Variants in PSTPIP2 observed in about 807,000 individuals in gnomAD.
PSTPIP2 encodes the protein proline-serine-threonine phosphatase interacting protein 2.
PSTPIP2 carries 33 observed loss-of-function variants against 63.3 expected under a neutral mutation model. The ratio of observed to expected loss-of-function variants is 0.52; its 90% confidence interval spans 0.40 to 0.70. The LOEUF (loss-of-function observed/expected upper bound fraction) is 0.70, where lower values mean the gene tolerates loss of function less well. PSTPIP2 is among the 30% of genes least tolerant of loss of function. The pLI, the probability that PSTPIP2 is intolerant of heterozygous loss-of-function variation, is 0.00. For synonymous variants in PSTPIP2, 125 were observed against 132.7 expected, an observed-to-expected ratio of 0.94 and a Z score of 0.40; for missense variants, 312 against 400.7, an observed-to-expected ratio of 0.78 and a Z score of 1.89.
chr18:45,988,048 ATTACT>A (rs1220115950), intron 14 of PSTPIP2, among the ~76,000 whole-genome samples: 2 of 152,184 alleles, frequency 1.3e-5, no homozygotes, highest in Non-Finnish European at 2.9e-5. Flanking sequence ...TAAAATCTAA[ATTACT>A]TTAACAGTGA....
intron 1 of PSTPIP2, among the ~76,000 whole-genome samples, chr18:46,063,306 T>A (rs377573298): frequency 8.5e-5 from 13 of 152,218 alleles, no homozygotes; most frequent in South Asian, 2.1e-4. Flanking sequence ...CGCCCAATCA[T>A]AAGACACATA....
chr18:46,050,373 A>T (rs1908544671), intron 1 of PSTPIP2, among the ~76,000 whole-genome samples: 1 of 152,068 alleles, frequency 6.6e-6, no homozygotes, highest in South Asian at 2.1e-4. Context: ...AGTTCGCGAC[A>T]AGCCTAAGAA....
chr18:46,056,569 A>G (rs1908762800), intron 1 of PSTPIP2, among the ~76,000 whole-genome samples: 1 of 152,022 alleles, frequency 6.6e-6, no homozygotes, highest in Non-Finnish European at 1.5e-5. Context: ...TCTACAAGAA[A>G]TTTTTAAAAT....
intron 1 of PSTPIP2, among the ~76,000 whole-genome samples, chr18:46,042,579 A>G (rs983552243): frequency 1.3e-5 from 2 of 152,164 alleles, no homozygotes; most frequent in Non-Finnish European, 2.9e-5. Context: ...CTTATTATTC[A>G]CATCAAAGGC....
At chr18:46,065,542 C>T (rs1909157314) in intron 1 of PSTPIP2, among the ~76,000 whole-genome samples, 1 of 152,204 alleles carries the variant, frequency 6.6e-6, no homozygotes, top group Non-Finnish European at 1.5e-5. Context: ...TCTTGGCTCA[C>T]TGCAACCTCC....
intron 2 of PSTPIP2, among the ~76,000 whole-genome samples, chr18:46,025,568 T>C (rs1435965328): frequency 2.0e-5 from 3 of 151,980 alleles, no homozygotes; most frequent in Non-Finnish European, 2.9e-5. Context: ...GTTTTTCACC[T>C]AGTAACACAT....
intron 1 of PSTPIP2, among the ~76,000 whole-genome samples, chr18:46,050,976 C>A (rs1908563609): frequency 6.6e-6 from 1 of 151,992 alleles, no homozygotes; most frequent in South Asian, 2.1e-4. Flanking sequence ...CATTCTCCTG[C>A]CTCAACCTCC....
chr18:45,988,843 C>A, intron 13 of PSTPIP2, 84 bp from the exon 14 acceptor site: 3 of 1,118,340 alleles, frequency 2.7e-6, no homozygotes, highest in Non-Finnish European at 4.1e-6. Context: ...GGGCATTTCA[C>A]TTACAGATTC....
At chr18:46,000,068 G>A (rs2051646956) in intron 6 of PSTPIP2, among the ~76,000 whole-genome samples, 1 of 152,196 alleles carries the variant, frequency 6.6e-6, no homozygotes. Context: ...GTGCCCAGGA[G>A]TTCAAGGCTG....
intron 1 of PSTPIP2, among the ~76,000 whole-genome samples, chr18:46,055,734 G>C (rs1056512452): frequency 6.6e-6 from 1 of 152,166 alleles, no homozygotes; most frequent in African/African-American, 2.4e-5. Context: ...CCTTCCCCCA[G>C]TGAAAGATAC....
chr18:45,986,316 T>C (rs951099286), intron 14 of PSTPIP2, among the ~76,000 whole-genome samples: 7 of 152,156 alleles, frequency 4.6e-5, no homozygotes, highest in Non-Finnish European at 1.0e-4. Flanking sequence ...TCCAGTGAAA[T>C]GATATAACTC....
At chr18:46,043,957 A>G (rs1908286227) in intron 1 of PSTPIP2, among the ~76,000 whole-genome samples, 1 of 152,224 alleles carries the variant, frequency 6.6e-6, no homozygotes, top group South Asian at 2.1e-4. Context: ...TTCACTGAAA[A>G]TTACAAAAGG....
intron 2 of PSTPIP2, among the ~76,000 whole-genome samples, chr18:46,037,776 C>T (rs1020156891): frequency 6.6e-6 from 1 of 152,190 alleles, no homozygotes; most frequent in African/African-American, 2.4e-5. Flanking sequence ...AGGGCATGCC[C>T]ATCTGACACT....
chr18:46,045,884 G>A (rs1908366444), intron 1 of PSTPIP2, among the ~76,000 whole-genome samples: 2 of 152,162 alleles, frequency 1.3e-5, no homozygotes, highest in African/African-American at 4.8e-5. Flanking sequence ...GGAGGTTGAG[G>A]CTGTAGTGAG....
chr18:45,985,234 A>C lies in PSTPIP2; in HGVS notation c.*225T>G. ...TAACCTGAGTAACTGGGAAAGAATA[A>C]TTCTTCAGAATGGGGCAATTTGTAA... On this transcript the variant is annotated 3_prime_UTR_variant, in exon 15 of 15. Transcript: ENST00000409746. The C allele has an allele frequency of 1.7e-6, 1 of 574,680 alleles. No homozygotes were observed. Among genetic ancestry groups the C allele is most frequent in the Admixed American group, 3.5e-5 (1 of 28,172 alleles). 35.6% of individuals were successfully genotyped at this position (574,680 alleles called of 1,614,324 possible). A position where few individuals can be genotyped will look rare whatever the true frequency, so the allele number is the denominator to read the frequency against.
chr18:46,049,446 G>C (rs1212790352), intron 1 of PSTPIP2, among the ~76,000 whole-genome samples: 4 of 151,462 alleles, frequency 2.6e-5, no homozygotes, highest in African/African-American at 7.3e-5. Flanking sequence ...ATCTGCACTT[G>C]TATCCCTGAA....
chr18:46,045,482 G>A (rs373325891), intron 1 of PSTPIP2, among the ~76,000 whole-genome samples: 3 of 152,156 alleles, frequency 2.0e-5, no homozygotes, highest in East Asian at 3.9e-4. Context: ...GGACACAGGA[G>A]GGGGAACATC....
At chr18:46,068,927 A>C (rs750101764) in intron 1 of PSTPIP2, among the ~76,000 whole-genome samples, 47 of 152,278 alleles carry the variant, frequency 3.1e-4, no homozygotes, top group Middle Eastern at 3.4e-3. Context: ...CCTTGTGTTG[A>C]CAGCAGGGCA....
intron 3 of PSTPIP2, 59 bp downstream of exon 3, chr18:46,024,550 G>A (rs1907507294): frequency 7.0e-6 from 10 of 1,430,132 alleles, no homozygotes; most frequent in Admixed American, 3.4e-5. Flanking sequence ...CTGCTGAAGC[G>A]AGGGAGCTCC....
Sources: gnomAD v4.1 joint callset for allele counts (sites outside exome capture counted in the v4.1 genomes callset) on GRCh38, gnomAD v4.1.1 for gene constraint, MANE v1.5 for transcripts, NCBI Gene and HGNC (gene_info 2026-07-23, HGNC 2026-07-21) for gene names.